Variants in RAB8A observed in about 807,000 individuals in gnomAD.
RAB8A encodes RAB8A, member RAS oncogene family.
In RAB8A, 5 loss-of-function variants were observed where a neutral mutation model predicts 29.2. The observed-to-expected ratio is 0.17, with a 90% CI of 0.09 to 0.36. The LOEUF (loss-of-function observed/expected upper bound fraction) is 0.36. Among genes scored for constraint, RAB8A ranks in the 10% least tolerant of loss-of-function variants. The pLI is 1.00. For missense variants in RAB8A, 171 were observed against 272.2 expected (o/e 0.63, Z 2.62); for synonymous variants, 108 against 99.9 (o/e 1.08, Z -0.49).
Position 16,124,918 on chromosome 19 carries a change from T to C in RAB8A, c.247-552T>C, listed in dbSNP as rs114876461. 1,340 of 182,834 alleles carry C rather than the reference T, an allele frequency of 7.3e-3. 17 individuals carry two copies. The highest frequency in any genetic ancestry group is 0.029 in the African/African-American group (1,248 of 42,730). The allele number at this position is 182,834 out of a possible 1,614,324, so 11.3% of individuals were successfully genotyped here. On this transcript the variant is annotated intron_variant, in intron 3 of 7. Transcript: ENST00000300935. The stretch of plus-strand genomic sequence containing the variant: ...CTAGGTTAGGGAACTGGAAGGGCCT[T>C]GGCACTCTCGGCTCCATCTTCACAC...
At position 16,125,657 on chromosome 19, in the gene RAB8A, C is replaced by A; in HGVS notation, c.324+110C>A. 9.8e-7 allele frequency: 1 copy of A among 1,016,642 alleles called. No individual in the cohort carries two copies. The highest frequency in any genetic ancestry group is 1.5e-6 in the Non-Finnish European group (1 of 660,766). 63.0% of individuals were successfully genotyped at this position (1,016,642 alleles called of 1,614,324 possible). A position where few individuals can be genotyped will look rare whatever the true frequency, so the allele number is the denominator to read the frequency against. Reference sequence around the variant, plus strand: ...CAGAGACACATACAGGCCACTTGCCCACAGCCTCCTAGTCAGGGACATGGT... The same window carrying A: ...CAGAGACACATACAGGCCACTTGCCAACAGCCTCCTAGTCAGGGACATGGT... On this transcript the variant is annotated intron_variant, in intron 4 of 7. Transcript: ENST00000300935. The surrounding 1 kb of genome is among the most constrained non-coding windows in gnomAD (Gnocchi z 5.0).
chr19:16,118,790 G>C (rs2090858856), intron 2 of RAB8A, among the ~76,000 whole-genome samples: 2 of 152,198 alleles, frequency 1.3e-5, no homozygotes, highest in African/African-American at 4.8e-5. Flanking sequence ...CCGAAATTAA[G>C]CGGAGGGCCG....
chr19:16,128,561 C>T (rs1397819772), intron 6 of RAB8A, among the ~76,000 whole-genome samples: 1 of 152,186 alleles, frequency 6.6e-6, no homozygotes, highest in Non-Finnish European at 1.5e-5. Context: ...GATGTTTCCC[C>T]ATCCTAGTCA....
At chr19:16,118,205 C>T (rs920984374) in intron 1 of RAB8A, 21 bp from the exon 2 acceptor site, 1 of 1,602,000 alleles carries the variant, frequency 6.2e-7, no homozygotes, top group Non-Finnish European at 8.5e-7. Context: ...AGTGACGTGC[C>T]TTTTTTCTTT....
Position 16,127,989 on chromosome 19 carries a change from G to C in RAB8A, c.415-37G>C, listed in dbSNP as rs1378020697. On this transcript the variant is annotated intron_variant, in intron 5 of 7. Transcript: ENST00000300935. The surrounding 1 kb of genome is among the most constrained non-coding windows in gnomAD (Gnocchi z 4.8). The stretch of plus-strand genomic sequence containing the variant: ...TAGGCAAGCTCAGATGCGCCCGGCG[G>C]CTGGTGTGCTCATGCGTGTGCCTCC... The C allele has an allele frequency of 1.9e-6, 3 of 1,608,286 alleles. No individual in the cohort carries two copies.
chr19:16,119,771 T>C (rs2090865163), intron 2 of RAB8A, among the ~76,000 whole-genome samples: 1 of 152,082 alleles, frequency 6.6e-6, no homozygotes, highest in South Asian at 2.1e-4. Flanking sequence ...TCAAAACTCT[T>C]CTAAGGACTG....
Position 16,125,012 on chromosome 19 carries a change from G to GGAAAAA in RAB8A, c.247-458_247-457insGAAAAA. On this transcript the variant is annotated intron_variant, in intron 3 of 7. Transcript: ENST00000300935. This position sits in a 1 kb window ranked among gnomAD's most constrained non-coding sequence, Gnocchi z 5.0. Reference sequence around the variant, plus strand: ...GTCGGGTCAGGACTTCCTGGGCTCAGTTGTGCCTGGTAGGTGGCTCAGGCA... The same window carrying GGAAAAA: ...GTCGGGTCAGGACTTCCTGGGCTCAGGAAAAATTGTGCCTGGTAGGTGGCTCAGGCA... 1 of 206,180 alleles carries GGAAAAA rather than the reference G, an allele frequency of 4.9e-6. No individual in the cohort carries two copies. The highest frequency in any genetic ancestry group is 1.0e-5 in the Non-Finnish European group (1 of 98,642). 12.8% of individuals were successfully genotyped at this position (206,180 alleles called of 1,614,324 possible). A position where few individuals can be genotyped will look rare whatever the true frequency, so the allele number is the denominator to read the frequency against.
Position 16,125,046 on chromosome 19 carries a change from G to A in RAB8A, c.247-424G>A, listed in dbSNP as rs1443339601. On this transcript the variant is annotated intron_variant, in intron 3 of 7. Transcript: ENST00000300935. The surrounding 1 kb of genome is among the most constrained non-coding windows in gnomAD (Gnocchi z 5.0). ...GGTAGGTGGCTCAGGCAGAGCGTGG[G>A]GTGAGCAAGGGGTGAAGAGGAGGCC... 3.7e-6 allele frequency: 1 copy of A among 269,936 alleles called. No homozygotes were observed. The highest frequency in any genetic ancestry group is 7.5e-6 in the Non-Finnish European group (1 of 133,696). 16.7% of individuals were successfully genotyped at this position (269,936 alleles called of 1,614,324 possible).
Position 16,127,487 on chromosome 19 carries a change from G to T in RAB8A, c.375G>T (p.Val125=). The change falls in exon 5 of 8, where the codon GTG becomes GTT. Residue 125 remains valine (V), a synonymous_variant. Coordinates refer to ENST00000300935, the MANE Select transcript of RAB8A (RefSeq NM_005370.5). The surrounding 1 kb of genome is among the most constrained non-coding windows in gnomAD (Gnocchi z 4.8). ...TGATACTCGGGAACAAGTGTGATGTGAATGACAAGAGACAAGTTTCCAAGG... is the reference window on the plus strand; with the variant it reads ...TGATACTCGGGAACAAGTGTGATGTTAATGACAAGAGACAAGTTTCCAAGG... ...EKMILGNKCD[V]NDKRQVSKER... The T allele has an allele frequency of 6.5e-7, 1 of 1,539,232 alleles. No homozygotes were observed. The highest frequency in any genetic ancestry group is 2.2e-5 in the Admixed American group (1 of 45,874).
intron 7 of RAB8A, among the ~76,000 whole-genome samples, chr19:16,130,195 G>A (rs752391107): frequency 7.9e-5 from 12 of 151,268 alleles, no homozygotes; most frequent in Non-Finnish European, 1.0e-4. Context: ...AGTCCGCTGC[G>A]CTCAGTATCA....
chr19:16,130,808 G>C (rs2090921517), intron 7 of RAB8A, among the ~76,000 whole-genome samples: 1 of 150,848 alleles, frequency 6.6e-6, no homozygotes, highest in Non-Finnish European at 1.5e-5. Flanking sequence ...ACACCACCAT[G>C]CCTGGCTAAT....
chr19:16,128,321 A>G (rs1171205664), intron 6 of RAB8A, among the ~76,000 whole-genome samples: 1 of 152,172 alleles, frequency 6.6e-6, no homozygotes, highest in African/African-American at 2.4e-5. Flanking sequence ...GGCACCTAGG[A>G]CGCATCTCAC....
At position 16,125,307 on chromosome 19, in the gene RAB8A, G is replaced by A. The variant is rs2090894400; in HGVS notation, c.247-163G>A. ...GAAGGGCCACAGGGATGGAGAGGAGGGGGCTGGCTTCCGGGGCTCCACAGA... is the reference window on the plus strand; with the variant it reads ...GAAGGGCCACAGGGATGGAGAGGAGAGGGCTGGCTTCCGGGGCTCCACAGA... On this transcript the variant is annotated intron_variant, in intron 3 of 7. Coordinates refer to ENST00000300935, the MANE Select transcript of RAB8A (RefSeq NM_005370.5). This position sits in a 1 kb window ranked among gnomAD's most constrained non-coding sequence, Gnocchi z 5.0. The A allele has an allele frequency of 7.8e-6, 5 of 640,120 alleles. No individual in the cohort carries two copies. In the South Asian group the frequency reaches 8.9e-5, roughly 11 times the overall value. The allele number at this position is 640,120 out of a possible 1,614,324, so 39.7% of individuals were successfully genotyped here.
chr19:16,125,435 C>T lies in RAB8A; in HGVS notation c.247-35C>T. ...GAGGCCTCCCTTCCAGAGCCTGCAGCCGATCAGGCACCTGTGTCTTCTCTC... is the reference window on the plus strand; with the variant it reads ...GAGGCCTCCCTTCCAGAGCCTGCAGTCGATCAGGCACCTGTGTCTTCTCTC... On this transcript the variant is annotated intron_variant, in intron 3 of 7. Transcript: ENST00000300935. This position sits in a 1 kb window ranked among gnomAD's most constrained non-coding sequence, Gnocchi z 5.0. 1 of 1,585,984 alleles carries T rather than the reference C, an allele frequency of 6.3e-7. No individual in the cohort carries two copies. The highest frequency in any genetic ancestry group is 8.7e-7 in the Non-Finnish European group (1 of 1,155,694).
chr19:16,112,843 T>C (rs2090830480), intron 1 of RAB8A: 1 of 152,222 alleles, frequency 6.6e-6, no homozygotes, highest in Admixed American at 6.6e-5. Context: ...CAGGACCTTT[T>C]CCCTGCCCAC....
chr19:16,121,246 C>T (rs1024785400), intron 2 of RAB8A, among the ~76,000 whole-genome samples: 1 of 152,160 alleles, frequency 6.6e-6, no homozygotes, highest in African/African-American at 2.4e-5. Flanking sequence ...AAACCAAACA[C>T]TAAGTACCCT....
chr19:16,117,596 T>A (rs2090852008), intron 1 of RAB8A, among the ~76,000 whole-genome samples: 1 of 151,600 alleles, frequency 6.6e-6, no homozygotes, highest in Admixed American at 6.6e-5. Context: ...AGTGGGAGCC[T>A]GGGGAACATC....
In RAB8A at chr19:16,119,450, C is replaced by T. The variant is rs992360488; in HGVS notation, c.185+1164C>T. ...CAACTCCCGACCTCAGGTGACCCAC[C>T]CACCTCGGCCTCCCAAAGTGCTGGG... On this transcript the variant is annotated intron_variant, in intron 2 of 7. Transcript: ENST00000300935. Among the ~76,000 whole-genome samples the T allele has an allele frequency of 2.6e-5, 4 of 152,294 alleles. No homozygotes were observed. The East Asian group carries it at 7.7e-4, about 29-fold the overall frequency.
At chr19:16,121,915 C>T in intron 3 of RAB8A, 105 bp downstream of exon 3, 1 of 1,135,262 alleles carries the variant, frequency 8.8e-7, no homozygotes, top group East Asian at 2.4e-5. Flanking sequence ...GAGCCCGTGC[C>T]CCAACTCCTC....
Sources: gnomAD v4.1 joint callset for allele counts (sites outside exome capture counted in the v4.1 genomes callset) on GRCh38, gnomAD v4.1.1 for gene constraint, Gnocchi (gnomAD v3.1) non-coding constraint, MANE v1.5 for transcripts, NCBI Gene and HGNC (gene_info 2026-07-23, HGNC 2026-07-21) for gene names.